XPO7: variants seen among roughly 807,000 people sequenced by gnomAD.
The protein encoded by XPO7 is exportin-7.
XPO7 carries 21 observed loss-of-function variants against 144.3 expected under a neutral mutation model. The ratio of observed to expected loss-of-function variants is 0.15; its 90% CI spans 0.10 to 0.21. XPO7 has a LOEUF of 0.21. XPO7 is among the 10% of genes least tolerant of loss of function. The pLI is 1.00. For missense variants in XPO7, 808 were observed against 1,325.8 expected (o/e 0.61, Z 6.06); for synonymous variants, 580 against 499.6 (o/e 1.16, Z -2.15).
intron 1 of XPO7, among the ~76,000 whole-genome samples, chr8:21,955,310 T>G (rs1299434479): frequency 6.6e-6 from 1 of 152,192 alleles, no homozygotes; most frequent in Non-Finnish European, 1.5e-5. Context: ...TTCCTCCTTA[T>G]CAGAACTCAA....
chr8:21,945,654 C>T (rs1045906021), intron 1 of XPO7, among the ~76,000 whole-genome samples: 3 of 152,160 alleles, frequency 2.0e-5, no homozygotes, highest in Non-Finnish European at 2.9e-5. Flanking sequence ...AATACATAGT[C>T]GGCCTTACTC....
intron 26 of XPO7, 94 bp downstream of exon 26, chr8:22,003,411 C>T: frequency 3.2e-6 from 3 of 942,866 alleles, no homozygotes; most frequent in Non-Finnish European, 4.8e-6. Flanking sequence ...ATAGAAACAC[C>T]CCACGGTGGT....
intron 24 of XPO7, among the ~76,000 whole-genome samples, chr8:22,001,826 T>G (rs1813158091): frequency 6.6e-6 from 1 of 152,238 alleles, no homozygotes; most frequent in African/African-American, 2.4e-5. Flanking sequence ...AAGAAGCACT[T>G]GCTGAATCAA....
chr8:21,958,545 C>G (rs1235485335), intron 1 of XPO7, among the ~76,000 whole-genome samples: 1 of 151,524 alleles, frequency 6.6e-6, no homozygotes, highest in Non-Finnish European at 1.5e-5. Context: ...CTTCAGCACT[C>G]TGTGGGCCAT....
At chr8:21,981,531 A>C (rs1354706530) in intron 9 of XPO7, among the ~76,000 whole-genome samples, 200 bp from the exon 10 acceptor site, 1 of 152,236 alleles carries the variant, frequency 6.6e-6, no homozygotes, top group Non-Finnish European at 1.5e-5. Context: ...GAGATAATAA[A>C]TGTGACTGTC....
chr8:21,942,026 A>C (rs1811009454), intron 1 of XPO7, among the ~76,000 whole-genome samples: 1 of 152,244 alleles, frequency 6.6e-6, no homozygotes, highest in Admixed American at 6.5e-5. Flanking sequence ...ATGGTTACTT[A>C]ACATCAGGGA....
chr8:21,976,452 A>C lies in XPO7; in HGVS notation c.694A>C (p.Ile232Leu). Residue 232 changes from isoleucine (I) to leucine (L), a missense_variant, in exon 7 of 28, where the codon ATC (isoleucine) becomes CTC (leucine). Ile to Leu is a conservative substitution (Grantham distance 5). Around this residue, in one of 5 missense-constraint regions of XPO7, gnomAD observed 223 missense variants for 368.8 expected, o/e 0.60. Coordinates refer to ENST00000252512, the MANE Select transcript of XPO7 (RefSeq NM_015024.5). ...TCATAACTGCCTCAACTTTGACTTC[A>C]TCGGCACTTCCACTGATGAGTCCTC... The part of the protein sequence containing the change: ...LTHNCLNFDF[I>L]GTSTDESSDD... 6.2e-7 allele frequency: 1 copy of C among 1,614,018 alleles called. No homozygotes were observed. The highest frequency in any genetic ancestry group is 8.5e-7 in the Non-Finnish European group (1 of 1,179,884).
chr8:21,946,801 C>G (rs1315521884), intron 1 of XPO7, among the ~76,000 whole-genome samples: 15 of 151,142 alleles, frequency 9.9e-5, no homozygotes, highest in Middle Eastern at 3.2e-3. Flanking sequence ...ATAGTAAAGC[C>G]ACAAATAATA....
chr8:21,946,653 T>C (rs1236672573), intron 1 of XPO7, among the ~76,000 whole-genome samples: 1 of 150,184 alleles, frequency 6.7e-6, no homozygotes, highest in Non-Finnish European at 1.5e-5. Context: ...TTTTTTTTTT[T>C]TTTTTTTTGA....
In XPO7 at chr8:21,998,663, G is replaced by A. The variant is rs946057193; in HGVS notation, c.2346-92G>A. The A allele has an allele frequency of 4.0e-6, 4 of 1,011,338 alleles. No homozygotes were observed. In the Admixed American group the frequency reaches 8.7e-5, roughly 22 times the overall value. The allele number at this position is 1,011,338 out of a possible 1,614,324, so 62.6% of individuals were successfully genotyped here. On this transcript the variant is annotated intron_variant, in intron 21 of 27. Transcript: ENST00000252512. ...ATTGCTTACCTTAATGTAAATGCAG[G>A]ATCACCCAAGGTACTCAGATGAGAG...
At chr8:21,988,947 A>G in intron 15 of XPO7, 56 bp from the exon 16 acceptor site, 1 of 1,549,180 alleles carries the variant, frequency 6.5e-7, no homozygotes, top group South Asian at 1.2e-5. Flanking sequence ...CCAGCCCTCA[A>G]GGAAACCAGC....
At chr8:21,934,475 G>T (rs899035987) in intron 1 of XPO7, among the ~76,000 whole-genome samples, 22 of 152,154 alleles carry the variant, frequency 1.4e-4, no homozygotes, top group African/African-American at 4.8e-4. Context: ...AGAGGTTACG[G>T]TGAGCCGAGA....
chr8:22,002,172 A>G lies in XPO7; in HGVS notation c.2843A>G (p.Lys948Arg). ...CLDHIVTYLF[K>R]QLSRSTKKRT... ...GACCACATTGTGACATACCTCTTCA[A>G]GCAGCTGTCACGTAGCACCAAGAAG... The change falls in exon 25 of 28, where the codon AAG (lysine) becomes AGG (arginine). Residue 948 changes from lysine to arginine, a missense_variant. Physicochemically the swap from Lys to Arg is conservative, Grantham distance 26. Around this residue, in one of 5 missense-constraint regions of XPO7, gnomAD observed 140 missense variants for 237.9 expected, o/e 0.59. Coordinates refer to ENST00000252512, the MANE Select transcript of XPO7 (RefSeq NM_015024.5). 2.5e-6 allele frequency: 4 copies of G among 1,612,982 alleles called. No individual in the cohort carries two copies. Among genetic ancestry groups the G allele is most frequent in the Non-Finnish European group, 3.4e-6 (4 of 1,179,516 alleles).
At chr8:21,945,109 A>G (rs1444074127) in intron 1 of XPO7, among the ~76,000 whole-genome samples, 3 of 152,168 alleles carry the variant, frequency 2.0e-5, no homozygotes, top group Non-Finnish European at 4.4e-5. Context: ...CCCGTTCTCA[A>G]TGAGCTGTTG....
chr8:22,002,138 T>C lies in XPO7; in HGVS notation c.2809T>C (p.Ser937Pro). The C allele has an allele frequency of 6.2e-7, 1 of 1,611,484 alleles. No homozygotes were observed. The highest frequency in any genetic ancestry group is 8.5e-7 in the Non-Finnish European group (1 of 1,178,868). The change falls in exon 25 of 28, where the codon TCC becomes CCC. Residue 937 changes from serine (S) to proline (P), a missense_variant. Physicochemically the swap from Ser to Pro is moderately conservative, Grantham distance 74. Around this residue, in one of 5 missense-constraint regions of XPO7, gnomAD observed 140 missense variants for 237.9 expected, o/e 0.59. Transcript: ENST00000252512. Reference protein sequence around the residue: ...LDTMVCTGCCSCLDHIVTYLF... With the variant: ...LDTMVCTGCCPCLDHIVTYLF... ...CACCATGGTATGCACAGGCTGCTGCTCCTGCCTGGACCACATTGTGACATA... is the reference window on the plus strand; with the variant it reads ...CACCATGGTATGCACAGGCTGCTGCCCCTGCCTGGACCACATTGTGACATA...
At chr8:21,957,170 C>T (rs1176953437) in intron 1 of XPO7, among the ~76,000 whole-genome samples, 2 of 151,746 alleles carry the variant, frequency 1.3e-5, no homozygotes, top group Non-Finnish European at 2.9e-5. Context: ...TCGGTGGATC[C>T]TAGTGAGGGA....
intron 1 of XPO7, among the ~76,000 whole-genome samples, chr8:21,943,761 T>C (rs930128428): frequency 4.6e-5 from 7 of 152,230 alleles, no homozygotes; most frequent in African/African-American, 1.7e-4. Context: ...GCTTGCTGTA[T>C]GTTCAACATT....
intron 22 of XPO7, 72 bp from the exon 23 acceptor site, chr8:21,999,019 T>C: frequency 1.3e-6 from 2 of 1,572,502 alleles, no homozygotes; most frequent in East Asian, 2.2e-5. Flanking sequence ...TGTATGCCTT[T>C]GGAGTAGGAA....
chr8:21,933,222 T>G (rs1288710703), intron 1 of XPO7, among the ~76,000 whole-genome samples: 1 of 150,558 alleles, frequency 6.6e-6, no homozygotes, highest in Non-Finnish European at 1.5e-5. Flanking sequence ...TGTCTCAGCC[T>G]CCTGAGTAGC....
Sources: gnomAD v4.1 joint callset for allele counts (sites outside exome capture counted in the v4.1 genomes callset) on GRCh38, gnomAD v4.1.1 for gene constraint, gnomAD v4.1.1 regional missense constraint, MANE v1.5 for transcripts, NCBI Gene and HGNC (gene_info 2026-07-23, HGNC 2026-07-21) for gene names.